The following SNAP91 variants were observed in gnomAD, a reference collection of about 807,000 sequenced individuals.
SNAP91 encodes the protein clathrin coat assembly protein AP180.
In SNAP91, 27 loss-of-function variants were observed where a neutral mutation model predicts 100.3. The ratio of observed to expected loss-of-function variants is 0.27; its 90% CI spans 0.20 to 0.37. The LOEUF (loss-of-function observed/expected upper bound fraction) is 0.37, where lower values mean the gene tolerates loss of function less well. SNAP91 is among the 10% of genes least tolerant of loss of function. The pLI is 1.00. For synonymous variants in SNAP91, 404 were observed against 398.6 expected (o/e 1.01, Z -0.16); for missense variants, 986 against 1,123.7 (o/e 0.88, Z 1.75).
chr6:83,582,096 T>G, intron 23 of SNAP91, 126 bp downstream of exon 23: 1 of 1,095,898 alleles, frequency 9.1e-7, no homozygotes, highest in Non-Finnish European at 1.3e-6. Context: ...TTATTAACGT[T>G]TTATAAACCA....
chr6:83,623,044 T>G (rs1356559921), intron 9 of SNAP91, among the ~76,000 whole-genome samples: 1 of 152,116 alleles, frequency 6.6e-6, no homozygotes, highest in Non-Finnish European at 1.5e-5. Context: ...AAGTTTAAAA[T>G]GAAAAGATGA....
In SNAP91 at chr6:83,591,074, C is replaced by A. The variant is rs1377154053; in HGVS notation, c.2014+137G>T. On this transcript the variant is annotated intron_variant, in intron 22 of 29. Transcript: ENST00000369694. Reference sequence around the variant, plus strand: ...GTACCCAACAGTCAGTTTTTCAATACTTGTCCCCTCCCTCAATTTTATGTC... The same window carrying A: ...GTACCCAACAGTCAGTTTTTCAATAATTGTCCCCTCCCTCAATTTTATGTC... 3 of 615,348 alleles carry A rather than the reference C, an allele frequency of 4.9e-6. No individual in the cohort carries two copies. In the East Asian group the frequency reaches 8.5e-5, roughly 17 times the overall value. The allele number at this position is 615,348 out of a possible 1,614,324, so 38.1% of individuals were successfully genotyped here.
intron 2 of SNAP91, among the ~76,000 whole-genome samples, chr6:83,689,137 C>T (rs2099100191): frequency 6.6e-6 from 1 of 152,118 alleles, no homozygotes; most frequent in African/African-American, 2.4e-5. Context: ...CTTCTGCTAT[C>T]CCATCTGCAA....
At chr6:83,556,578 T>C (rs1779234271) in intron 28 of SNAP91, among the ~76,000 whole-genome samples, 1 of 152,140 alleles carries the variant, frequency 6.6e-6, no homozygotes, top group South Asian at 2.1e-4. Context: ...TTAGCCAAAG[T>C]AAAATTTGGG....
At chr6:83,664,564 A>G (rs2098638728) in intron 3 of SNAP91, among the ~76,000 whole-genome samples, 1 of 152,134 alleles carries the variant, frequency 6.6e-6, no homozygotes, top group Non-Finnish European at 1.5e-5. Context: ...TGAAGATGGG[A>G]CTGAATTGCT....
At chr6:83,577,277 C>A in intron 24 of SNAP91, among the ~76,000 whole-genome samples, 1 of 152,024 alleles carries the variant, frequency 6.6e-6, no homozygotes, top group East Asian at 1.9e-4. Flanking sequence ...CTTACCAAAT[C>A]TTGGCATTAC....
intron 8 of SNAP91, among the ~76,000 whole-genome samples, chr6:83,633,650 G>T (rs2128489117): frequency 6.6e-6 from 1 of 152,138 alleles, no homozygotes; most frequent in Non-Finnish European, 1.5e-5. Flanking sequence ...GGTTGTCAGG[G>T]AAGTGGGGGA....
intron 7 of SNAP91, among the ~76,000 whole-genome samples, chr6:83,646,404 G>T (rs1417955980): frequency 9.9e-5 from 15 of 152,138 alleles, no homozygotes; most frequent in Admixed American, 9.8e-4. Context: ...ATTTGTAAAG[G>T]GTATAAGGTC....
intron 16 of SNAP91, among the ~76,000 whole-genome samples, chr6:83,600,935 A>C (rs887200383): frequency 1.1e-4 from 16 of 152,288 alleles, no homozygotes; most frequent in Admixed American, 9.8e-4. Flanking sequence ...AAATAAACCT[A>C]AAGGTGACAG....
Position 83,623,379 on chromosome 6 carries a change from T to A in SNAP91, c.766-37A>T, listed in dbSNP as rs1430140678. On this transcript the variant is annotated intron_variant, in intron 8 of 29. Coordinates refer to ENST00000369694, the MANE Select transcript of SNAP91 (RefSeq NM_001242792.2). ...AAAAATTAGAAATTAGTAGAACTTT[T>A]AAAATTAATTTTTTTCATTTAATGG... 3 of 1,482,036 alleles carry A rather than the reference T, an allele frequency of 2.0e-6. No individual in the cohort carries two copies. The African/African-American group carries it at 4.2e-5, about 21-fold the overall frequency. The allele number at this position is 1,482,036 out of a possible 1,614,324, so 91.8% of individuals were successfully genotyped here. A position where few individuals can be genotyped will look rare whatever the true frequency, so the allele number is the denominator to read the frequency against.
At chr6:83,585,799 T>C (rs2092444077) in intron 22 of SNAP91, among the ~76,000 whole-genome samples, 1 of 152,018 alleles carries the variant, frequency 6.6e-6, no homozygotes, top group Non-Finnish European at 1.5e-5. Context: ...GTCTACATAG[T>C]CTATCTAACA....
At chr6:83,603,356 G>A (rs1178731536) in intron 14 of SNAP91, among the ~76,000 whole-genome samples, 1 of 151,968 alleles carries the variant, frequency 6.6e-6, no homozygotes, top group Admixed American at 6.6e-5. Context: ...GCCCCATTTT[G>A]TCAGAAATAT....
At chr6:83,632,529 T>C (rs1381732096) in intron 8 of SNAP91, among the ~76,000 whole-genome samples, 3 of 152,196 alleles carry the variant, frequency 2.0e-5, no homozygotes, top group Non-Finnish European at 4.4e-5. Flanking sequence ...CACCAATTAT[T>C]CTTAGGTTTG....
intron 22 of SNAP91, among the ~76,000 whole-genome samples, chr6:83,586,537 A>G (rs1429271577): frequency 6.6e-6 from 1 of 152,128 alleles, no homozygotes; most frequent in East Asian, 1.9e-4. Flanking sequence ...AACACACCTA[A>G]CTTCCTTAAC....
At chr6:83,622,892 C>G (rs1234795346) in intron 9 of SNAP91, among the ~76,000 whole-genome samples, 1 of 152,062 alleles carries the variant, frequency 6.6e-6, no homozygotes, top group Admixed American at 6.6e-5. Context: ...ATTCATGGGT[C>G]TCCTTCATAT....
intron 26 of SNAP91, among the ~76,000 whole-genome samples, chr6:83,573,114 C>G (rs1333701981): frequency 2.0e-5 from 3 of 152,040 alleles, no homozygotes; most frequent in African/African-American, 7.2e-5. Context: ...GGCTGAGGGG[C>G]CTTAGATTTT....
At chr6:83,669,333 A>C (rs950921078) in intron 2 of SNAP91, among the ~76,000 whole-genome samples, 2 of 152,050 alleles carry the variant, frequency 1.3e-5, no homozygotes, top group Non-Finnish European at 2.9e-5. Flanking sequence ...ATTTAAAAAA[A>C]TAAAGTATAG....
intron 26 of SNAP91, 36 bp from the exon 27 acceptor site, chr6:83,560,983 A>C (rs1356363007): frequency 7.7e-7 from 1 of 1,306,182 alleles, no homozygotes; most frequent in Non-Finnish European, 1.1e-6. Context: ...TATAAATAAC[A>C]CAAAAACACA....
chr6:83,605,420 A>C (rs2095548450), intron 14 of SNAP91, among the ~76,000 whole-genome samples: 1 of 152,176 alleles, frequency 6.6e-6, no homozygotes, highest in South Asian at 2.1e-4. Flanking sequence ...AAAGAACAAC[A>C]AAAAACCCAC....
Sources: allele counts gnomAD v4.1 joint callset (sites outside exome capture counted in the v4.1 genomes callset), GRCh38; gene constraint gnomAD v4.1.1; transcripts MANE v1.5; gene names NCBI Gene and HGNC (gene_info 2026-07-23, HGNC 2026-07-21).